Variants in SMAD7 observed in about 807,000 individuals in gnomAD.
The protein encoded by SMAD7 is SMAD family member 7, also known as MAD (mothers against decapentaplegic, Drosophila) homolog 7.
Under a neutral mutation model 38.7 loss-of-function variants are expected in SMAD7, and 8 were observed. The observed-to-expected ratio is 0.21, with a 90% confidence interval of 0.12 to 0.37. The LOEUF (loss-of-function observed/expected upper bound fraction) is 0.37. Among genes scored for constraint, SMAD7 ranks in the 10% least tolerant of loss-of-function variants. SMAD7 has a pLI of 1.00. For synonymous variants in SMAD7, 327 were observed against 265.1 expected (o/e 1.23, Z -2.27); for missense variants, 477 against 577.9 (o/e 0.83, Z 1.79).
intron 3 of SMAD7, among the ~76,000 whole-genome samples, chr18:48,924,908 C>A (rs1011957690): frequency 6.6e-6 from 1 of 152,260 alleles, no homozygotes; most frequent in Non-Finnish European, 1.5e-5. Flanking sequence ...TCCCCCATTG[C>A]CACTACAGAG....
intron 3 of SMAD7, among the ~76,000 whole-genome samples, chr18:48,934,788 CAAAACAG>C (rs1463548832): frequency 6.6e-6 from 1 of 151,428 alleles, no homozygotes; most frequent in Non-Finnish European, 1.5e-5. Flanking sequence ...AAAAAAAACA[CAAAACAG>C]AAAACAGGCT....
intron 2 of SMAD7, among the ~76,000 whole-genome samples, 176 bp downstream of exon 2, chr18:48,948,208 A>G (rs1361409094): frequency 1.3e-5 from 2 of 152,226 alleles, no homozygotes; most frequent in African/African-American, 4.8e-5. Flanking sequence ...CTTTGCAAAA[A>G]CAGCAAAAAA....
intron 3 of SMAD7, among the ~76,000 whole-genome samples, chr18:48,936,529 T>C (rs1388053812): frequency 1.3e-5 from 2 of 152,150 alleles, no homozygotes; most frequent in African/African-American, 4.8e-5. Flanking sequence ...CAGTGGACCA[T>C]GTATAGTTAA....
intron 3 of SMAD7, among the ~76,000 whole-genome samples, chr18:48,930,370 G>C (rs561182093): frequency 6.6e-6 from 1 of 151,994 alleles, no homozygotes; most frequent in Non-Finnish European, 1.5e-5. Flanking sequence ...CCTCTGGCGG[G>C]TCCTCCCACT....
chr18:48,948,506 A>C, intron 1 of SMAD7, 69 bp from the exon 2 acceptor site: 1 of 1,123,220 alleles, frequency 8.9e-7, no homozygotes, highest in Non-Finnish European at 1.3e-6. Flanking sequence ...TTATGATAAC[A>C]GAGGCATTCT....
chr18:48,935,441 C>T (rs144247392), intron 3 of SMAD7, among the ~76,000 whole-genome samples: 11 of 152,272 alleles, frequency 7.2e-5, no homozygotes, highest in East Asian at 1.9e-4. Flanking sequence ...TATCCTTTCA[C>T]GAGGCTCCCG....
At chr18:48,929,569 T>TCTCTCTCACACACA (rs3082710) in intron 3 of SMAD7, among the ~76,000 whole-genome samples, 113 of 114,622 alleles carry the variant, frequency 9.9e-4, no homozygotes, top group Middle Eastern at 4.7e-3. Context: ...TCTCTCTCTC[T>TCTCTCTCACACACA]CACTCACACA....
intron 3 of SMAD7, among the ~76,000 whole-genome samples, chr18:48,924,527 G>A (rs983729422): frequency 6.6e-6 from 1 of 152,192 alleles, no homozygotes; most frequent in Non-Finnish European, 1.5e-5. Context: ...TGTGCAGCCC[G>A]CCAGCAATGT....
At chr18:48,945,610 G>C (rs565117365) in intron 2 of SMAD7, among the ~76,000 whole-genome samples, 48 of 152,148 alleles carry the variant, frequency 3.2e-4, no homozygotes, top group Non-Finnish European at 1.9e-4. Context: ...AAGAGGCCTA[G>C]AAAAGTTAAG....
chr18:48,940,487 A>T (rs2070124826), intron 3 of SMAD7, among the ~76,000 whole-genome samples: 1 of 151,440 alleles, frequency 6.6e-6, no homozygotes, highest in South Asian at 2.1e-4. Flanking sequence ...GCAGTGGCTC[A>T]CACCTGTAAT....
chr18:48,921,011 C>G lies in SMAD7; in HGVS notation c.*361G>C, dbSNP rs2069851163. ...CCGCTCCTGCACACGCGTGCACACA[C>G]AGCCGCACACTCACACTCACACACA... On this transcript the variant is annotated 3_prime_UTR_variant, in exon 4 of 4. Coordinates refer to ENST00000262158, the MANE Select transcript of SMAD7 (RefSeq NM_005904.4). The surrounding 1 kb of genome is among the most constrained non-coding windows in gnomAD (Gnocchi z 6.4). The G allele has an allele frequency of 7.7e-6, 2 of 259,828 alleles. No individual in the cohort carries two copies. Among genetic ancestry groups the G allele is most frequent in the Admixed American group, 1.0e-4 (2 of 19,838 alleles). The allele number at this position is 259,828 out of a possible 1,614,324, so 16.1% of individuals were successfully genotyped here.
intron 3 of SMAD7, 119 bp downstream of exon 3, chr18:48,942,362 T>C: frequency 1.4e-6 from 1 of 697,738 alleles, no homozygotes; most frequent in Non-Finnish European, 2.5e-6. Flanking sequence ...TTAAGGCATA[T>C]AAAAATGAGA....
rs2143747332 is a variant in SMAD7 at position 48,920,942 on chromosome 18, T to C, written c.*430A>G. On this transcript the variant is annotated 3_prime_UTR_variant, in exon 4 of 4. Transcript: ENST00000262158. ...ACTGCAAACCTCTCTGCTGGGGACA[T>C]CCATAAGAGACACAAAACAAAGAGC... 5.8e-6 allele frequency: 1 copy of C among 173,664 alleles called. No individual in the cohort carries two copies. The highest frequency in any genetic ancestry group is 5.7e-5 in the Admixed American group (1 of 17,434). The allele number at this position is 173,664 out of a possible 1,614,324, so 10.8% of individuals were successfully genotyped here.
At chr18:48,937,579 A>G (rs1599229869) in intron 3 of SMAD7, among the ~76,000 whole-genome samples, 1 of 152,254 alleles carries the variant, frequency 6.6e-6, no homozygotes, top group Non-Finnish European at 1.5e-5. Context: ...CTCCAGGGGG[A>G]AGTGCATGAC....
At chr18:48,943,372 A>G (rs1419075758) in intron 2 of SMAD7, among the ~76,000 whole-genome samples, 2 of 152,176 alleles carry the variant, frequency 1.3e-5, no homozygotes, top group Non-Finnish European at 2.9e-5. Flanking sequence ...ACTTCTCTTC[A>G]ACTTCTGTCA....
intron 1 of SMAD7, chr18:48,949,252 C>T (rs1488315317): frequency 2.0e-6 from 2 of 984,182 alleles, no homozygotes; most frequent in Non-Finnish European, 2.4e-6. Flanking sequence ...CCATCCAACT[C>T]TCTTTGCCCC....
At chr18:48,934,144 C>G (rs1294182202) in intron 3 of SMAD7, among the ~76,000 whole-genome samples, 1 of 152,166 alleles carries the variant, frequency 6.6e-6, no homozygotes, top group Non-Finnish European at 1.5e-5. Context: ...GTGATAAGCC[C>G]CCTCTCTGGG....
chr18:48,939,382 C>A (rs1422807136), intron 3 of SMAD7, among the ~76,000 whole-genome samples: 2 of 141,594 alleles, frequency 1.4e-5, no homozygotes, highest in South Asian at 2.4e-4. Context: ...CCCACCCCCC[C>A]ACACCCCCCC....
rs745360242 is a variant in SMAD7 at position 48,921,592 on chromosome 18, G to A, written c.1061C>T (p.Thr354Met). 50 of 1,614,004 alleles carry A rather than the reference G, an allele frequency of 3.1e-5. No homozygotes were observed. The highest frequency in any genetic ancestry group is 6.7e-5 in the African/African-American group (5 of 74,950). The change falls in exon 4 of 4, where the codon ACG (threonine) becomes ATG (methionine). Residue 354 changes from threonine (T) to methionine (M), a missense_variant. By Grantham distance (81) the Thr-to-Met change is moderately conservative. Coordinates refer to ENST00000262158, the MANE Select transcript of SMAD7 (RefSeq NM_005904.4). The surrounding 1 kb of genome is among the most constrained non-coding windows in gnomAD (Gnocchi z 6.4). ...SATLDNPDSR[T>M]LLVHKVFPGF... is the part of the protein sequence containing the mutation. Reference sequence around the variant, plus strand: ...GGGGAACACCTTGTGTACCAACAGCGTCCTGGAGTCCGGGTTGTCCAGTGT... The same window carrying A: ...GGGGAACACCTTGTGTACCAACAGCATCCTGGAGTCCGGGTTGTCCAGTGT...
Sources: allele counts gnomAD v4.1 joint callset (sites outside exome capture counted in the v4.1 genomes callset), GRCh38; gene constraint gnomAD v4.1.1; non-coding constraint Gnocchi (gnomAD v3.1); transcripts MANE v1.5; gene names NCBI Gene and HGNC (gene_info 2026-07-23, HGNC 2026-07-21).